The following WDHD1 variants were observed in gnomAD, a reference collection of about 807,000 sequenced individuals.
WDHD1 encodes WD repeat and HMG-box DNA-binding protein 1.
A neutral mutation model predicts 135.4 loss-of-function variants in WDHD1; 111 were observed. The ratio of observed to expected loss-of-function variants is 0.82; its 90% CI spans 0.70 to 0.96. The LOEUF is 0.96. WDHD1 is among the 40% of genes least tolerant of loss of function. WDHD1 has a pLI of 0.00. For synonymous variants in WDHD1, 434 were observed against 439.0 expected (o/e 0.99, Z 0.14); for missense variants, 1,351 against 1,336.3 (o/e 1.01, Z -0.17).
In WDHD1 at chr14:54,981,553, G is replaced by T; in HGVS notation, c.2050C>A (p.Pro684Thr). 3 of 1,610,468 alleles carry T rather than the reference G, an allele frequency of 1.9e-6. No homozygotes were observed. In the South Asian group the frequency reaches 3.3e-5, roughly 18 times the overall value. The change falls in exon 16 of 26, where the codon CCC becomes ACC. Residue 684 changes from proline to threonine, a missense_variant. By Grantham distance (38) the Pro-to-Thr change is conservative. Coordinates refer to ENST00000360586, the MANE Select transcript of WDHD1 (RefSeq NM_007086.4). Reference protein sequence around the residue: ...HYWVVGIHENPQQLRCIPCKG... With the variant: ...HYWVVGIHENTQQLRCIPCKG... ...TTAATAGCCCACCTTAGTTGCTGGGGATTTTCATGGATACCAACCACCCAG... is the reference window on the plus strand; with the variant it reads ...TTAATAGCCCACCTTAGTTGCTGGGTATTTTCATGGATACCAACCACCCAG...
intron 10 of WDHD1, among the ~76,000 whole-genome samples, chr14:54,997,473 G>C (rs1185736529): frequency 1.3e-5 from 2 of 152,118 alleles, no homozygotes; most frequent in Non-Finnish European, 2.9e-5. Flanking sequence ...ATGAAAAAGT[G>C]TTTCTAAATC....
chr14:55,008,118 G>C (rs1199002173), intron 6 of WDHD1, among the ~76,000 whole-genome samples, 198 bp downstream of exon 6: 1 of 152,120 alleles, frequency 6.6e-6, no homozygotes, highest in South Asian at 2.1e-4. Context: ...CTTGTGATTA[G>C]GTAAAAATGC....
chr14:54,988,034 C>CA (rs2041721174), intron 13 of WDHD1, among the ~76,000 whole-genome samples: 1 of 152,056 alleles, frequency 6.6e-6, no homozygotes, highest in African/African-American at 2.4e-5. Flanking sequence ...TCTTGATTAA[C>CA]AAAAAGCTGA....
At chr14:54,998,083 G>A (rs188589942) in intron 10 of WDHD1, among the ~76,000 whole-genome samples, 1 of 151,306 alleles carries the variant, frequency 6.6e-6, no homozygotes, top group East Asian at 2.0e-4. Context: ...CGTGGTGGTG[G>A]GTGCCTGTTA....
chr14:54,974,236 A>T (rs541040196), intron 16 of WDHD1, among the ~76,000 whole-genome samples: 1 of 152,154 alleles, frequency 6.6e-6, no homozygotes, highest in South Asian at 2.1e-4. Flanking sequence ...AGCTCGGGCT[A>T]CATAGCAAAA....
intron 3 of WDHD1, among the ~76,000 whole-genome samples, chr14:55,010,714 A>G (rs759342111): frequency 7.9e-5 from 12 of 152,344 alleles, no homozygotes; most frequent in Non-Finnish European, 1.6e-4. Context: ...TCTGGTAAGA[A>G]AAATGTTTGA....
chr14:55,026,277 G>C (rs2042438793), intron 2 of WDHD1, among the ~76,000 whole-genome samples: 1 of 151,992 alleles, frequency 6.6e-6, no homozygotes, highest in African/African-American at 2.4e-5. Flanking sequence ...AAATATTATA[G>C]TTTAGGAATC....
intron 16 of WDHD1, among the ~76,000 whole-genome samples, chr14:54,975,853 T>C (rs1484865449): frequency 1.3e-5 from 2 of 152,150 alleles, no homozygotes; most frequent in Admixed American, 1.3e-4. Context: ...TTAAAAATTA[T>C]TTTTCACAAA....
Position 54,955,638 on chromosome 14 carries a change from T to C in WDHD1, c.2973A>G (p.Glu991=). 6.3e-7 allele frequency: 1 copy of C among 1,592,586 alleles called. No individual in the cohort carries two copies. ...KRNSQTNKTE[E]VKEENLKNVL... ...CATTTTTAAGATTTTCTTCTTTCAC[T>C]TCCTCAGTTTTATTAGTTTGAGAAT... The change falls in exon 24 of 26, where the codon GAA becomes GAG. Residue 991 remains glutamate, a synonymous_variant. Coordinates refer to ENST00000360586, the MANE Select transcript of WDHD1 (RefSeq NM_007086.4).
chr14:54,989,663 AT>A (rs34783095), intron 12 of WDHD1, among the ~76,000 whole-genome samples: 2,853 of 144,376 alleles, frequency 0.02, 28 homozygotes, highest in African/African-American at 0.026. Flanking sequence ...AGAAAACATA[AT>A]TTTTTTTTTT....
intron 25 of WDHD1, among the ~76,000 whole-genome samples, chr14:54,942,568 C>T (rs1382253673): frequency 6.6e-6 from 1 of 152,136 alleles, no homozygotes; most frequent in South Asian, 2.1e-4. Context: ...GACTCCAACC[C>T]CTGGCAACCA....
intron 2 of WDHD1, among the ~76,000 whole-genome samples, chr14:55,015,265 T>TA (rs1424664130): frequency 6.6e-6 from 1 of 150,832 alleles, no homozygotes; most frequent in Non-Finnish European, 1.5e-5. Flanking sequence ...TGCACACCTG[T>TA]AATCCCAGCT....
At position 55,010,418 on chromosome 14, in the gene WDHD1, C is replaced by G; in HGVS notation, c.232G>C (p.Val78Leu). Residue 78 changes from valine (V) to leucine (L), a missense_variant, in exon 4 of 26, where the codon GTC (valine) becomes CTC (leucine). This residue lies in a region of WDHD1 where 1,330 missense variants were observed against 1,296.1 expected (regional missense o/e 1.03). Transcript: ENST00000360586. The stretch of plus-strand genomic sequence containing the variant: ...GGAACTCCTTCAGGAAATGTGTGGA[C>G]TTGAATAGTATTATTAGAAACTGCA... ...VTAVSNNTIQ[V>L]HTFPEGVPDG... 6.2e-7 allele frequency: 1 copy of G among 1,611,872 alleles called. No individual in the cohort carries two copies. Among genetic ancestry groups the G allele is most frequent in the Non-Finnish European group, 8.5e-7 (1 of 1,179,236 alleles).
intron 11 of WDHD1, among the ~76,000 whole-genome samples, chr14:54,994,433 A>G (rs1304327946): frequency 6.6e-6 from 1 of 152,200 alleles, no homozygotes; most frequent in African/African-American, 2.4e-5. Context: ...TAAAGTTTAA[A>G]GAGTAAAAAG....
intron 2 of WDHD1, among the ~76,000 whole-genome samples, chr14:55,019,484 T>C (rs1292459782): frequency 6.6e-6 from 1 of 152,222 alleles, no homozygotes; most frequent in Non-Finnish European, 1.5e-5. Context: ...TCTTTTTTGA[T>C]TCATGACTCT....
At chr14:54,998,217 A>G (rs2041917835) in intron 10 of WDHD1, among the ~76,000 whole-genome samples, 1 of 152,084 alleles carries the variant, frequency 6.6e-6, no homozygotes, top group Non-Finnish European at 1.5e-5. Context: ...AGAAAAAAAA[A>G]AATTTTTAAT....
intron 24 of WDHD1, among the ~76,000 whole-genome samples, chr14:54,951,583 T>C (rs1163587453): frequency 6.6e-6 from 1 of 152,218 alleles, no homozygotes; most frequent in Non-Finnish European, 1.5e-5. Context: ...AAGGAGGAGC[T>C]GTTACCATTC....
chr14:55,004,835 C>G, intron 7 of WDHD1: 1 of 498,530 alleles, frequency 2.0e-6, no homozygotes, highest in Non-Finnish European at 4.0e-6. Context: ...AGTGGTTGTT[C>G]CTATGCATTC....
At chr14:54,943,408 C>G (rs2040869115) in intron 25 of WDHD1, among the ~76,000 whole-genome samples, 1 of 151,870 alleles carries the variant, frequency 6.6e-6, no homozygotes, top group Non-Finnish European at 1.5e-5. Flanking sequence ...ATTTTTTTCC[C>G]CCTAGAGACC....
Sources: gnomAD v4.1 joint callset for allele counts (sites outside exome capture counted in the v4.1 genomes callset) on GRCh38, gnomAD v4.1.1 for gene constraint, gnomAD v4.1.1 regional missense constraint, MANE v1.5 for transcripts, NCBI Gene and HGNC (gene_info 2026-07-23, HGNC 2026-07-21) for gene names.